Variants in RIN3 observed in about 807,000 individuals in gnomAD.
RIN3 encodes Ras and Rab interactor 3.
In RIN3, 54 loss-of-function variants were observed where a neutral mutation model predicts 76.3. The observed-to-expected ratio is 0.71, with a 90% CI of 0.57 to 0.89. The LOEUF is 0.89. RIN3 is among the 40% of genes least tolerant of loss of function. The pLI, the probability that RIN3 is intolerant of heterozygous loss-of-function variation, is 0.00. For missense variants in RIN3, 1,256 were observed against 1,322.1 expected (o/e 0.95, Z 0.78); for synonymous variants, 576 against 564.0 (o/e 1.02, Z -0.30).
chr14:92,680,182 C>T (rs58928172), intron 8 of RIN3, among the ~76,000 whole-genome samples: 1 of 149,864 alleles, frequency 6.7e-6, no homozygotes. Flanking sequence ...GCAGAAGGGA[C>T]AGGACAGCTC....
rs369106357 is a variant in RIN3 at position 92,652,598 on chromosome 14, G to A, written c.1549G>A (p.Ala517Thr). ...QAGTQHPPAQ[A>T]TAHSQSSPEF... ...TGGGACTCAGCACCCTCCTGCCCAG[G>A]CCACTGCCCATTCCCAGAGCTCTCC... Residue 517 changes from alanine (A) to threonine (T), a missense_variant, in exon 6 of 10, where the codon GCC (alanine) becomes ACC (threonine). Ala to Thr is a moderately conservative substitution (Grantham distance 58). This residue lies in a region of RIN3 where 428 missense variants were observed against 521.2 expected (regional missense o/e 0.82). Coordinates refer to ENST00000216487, the MANE Select transcript of RIN3 (RefSeq NM_024832.5). The surrounding 1 kb of genome is among the most constrained non-coding windows in gnomAD (Gnocchi z 6.4). 1.2e-6 allele frequency: 2 copies of A among 1,611,278 alleles called. No individual in the cohort carries two copies. The highest frequency in any genetic ancestry group is 1.7e-6 in the Non-Finnish European group (2 of 1,179,848).
intron 8 of RIN3, among the ~76,000 whole-genome samples, chr14:92,680,477 G>A (rs1386554693): frequency 1.3e-5 from 2 of 152,278 alleles, no homozygotes; most frequent in East Asian, 3.9e-4. Flanking sequence ...TAGGATTACA[G>A]GTGTGAGCCA....
At chr14:92,575,815 C>G (rs913597741) in intron 2 of RIN3, among the ~76,000 whole-genome samples, 2 of 152,118 alleles carry the variant, frequency 1.3e-5, no homozygotes, top group African/African-American at 2.4e-5. Context: ...ATCTTGTGCC[C>G]ACCTCCTATC....
chr14:92,558,784 A>G (rs539309535), intron 2 of RIN3, among the ~76,000 whole-genome samples: 27 of 152,280 alleles, frequency 1.8e-4, no homozygotes, highest in African/African-American at 6.3e-4. Flanking sequence ...GGAGCTGTGT[A>G]TTATTCACCA....
chr14:92,649,596 G>A (rs1249004303), intron 5 of RIN3, among the ~76,000 whole-genome samples: 1 of 152,192 alleles, frequency 6.6e-6, no homozygotes, highest in Non-Finnish European at 1.5e-5. Flanking sequence ...GTATGTACTC[G>A]AGGCAAGGTG....
At chr14:92,550,565 G>A (rs1445115200) in intron 1 of RIN3, among the ~76,000 whole-genome samples, 1 of 152,016 alleles carries the variant, frequency 6.6e-6, no homozygotes, top group Admixed American at 6.6e-5. Context: ...TGGGGCACAC[G>A]CCATCATGCC....
At chr14:92,587,198 CTG>C (rs775446441) in intron 3 of RIN3, among the ~76,000 whole-genome samples, 1 of 152,192 alleles carries the variant, frequency 6.6e-6, no homozygotes, top group Non-Finnish European at 1.5e-5. Flanking sequence ...TAGAGCTTGA[CTG>C]TGTGGGAGCT....
chr14:92,553,764 C>T (rs1425121058), intron 1 of RIN3, among the ~76,000 whole-genome samples: 1 of 152,086 alleles, frequency 6.6e-6, no homozygotes, highest in Non-Finnish European at 1.5e-5. Context: ...CCTTGACACA[C>T]CCCTCCTCAT....
At chr14:92,675,297 C>A (rs4904972) in intron 7 of RIN3, among the ~76,000 whole-genome samples, 46,197 of 151,964 alleles carry the variant, frequency 0.3, 7,772 homozygotes, top group East Asian at 0.56. Context: ...TGATGGTTTT[C>A]AAATTTTTAT....
At chr14:92,572,669 G>T (rs370819230) in intron 2 of RIN3, among the ~76,000 whole-genome samples, 1 of 152,086 alleles carries the variant, frequency 6.6e-6, no homozygotes, top group African/African-American at 2.4e-5. Context: ...TCAGTCTTTC[G>T]TAACTGCTTC....
At chr14:92,617,850 A>C (rs1221234468) in intron 4 of RIN3, among the ~76,000 whole-genome samples, 1 of 152,254 alleles carries the variant, frequency 6.6e-6, no homozygotes, top group Non-Finnish European at 1.5e-5. Flanking sequence ...AAGAAAATTT[A>C]AAGTCTGTTG....
intron 4 of RIN3, among the ~76,000 whole-genome samples, chr14:92,633,790 G>C (rs765626885): frequency 3.4e-4 from 52 of 152,194 alleles, no homozygotes; most frequent in Non-Finnish European, 6.3e-4. Context: ...AAGTAAACTG[G>C]ACTAGAAACT....
At position 92,677,830 on chromosome 14, in the gene RIN3, A is replaced by G. The variant is rs115126112; in HGVS notation, c.2467+1224A>G. On this transcript the variant is annotated intron_variant, in intron 8 of 9. Coordinates refer to ENST00000216487, the MANE Select transcript of RIN3 (RefSeq NM_024832.5). ...CATCCATGCATCCACTCATCCACCT[A>G]CCCACCCATCTACCCATCCACCCAC... is the stretch of plus-strand genomic sequence containing the variant. Among the ~76,000 whole-genome samples the G allele has an allele frequency of 9.9e-3, 1,484 of 150,526 alleles. 27 individuals carry two copies. Among genetic ancestry groups the G allele is most frequent in the African/African-American group, 0.035 (1,426 of 40,832 alleles).
intron 8 of RIN3, among the ~76,000 whole-genome samples, chr14:92,684,538 C>T (rs1447354908): frequency 6.6e-6 from 1 of 152,080 alleles, no homozygotes; most frequent in Non-Finnish European, 1.5e-5. Context: ...ATCACTTTCA[C>T]ACCATCATGA....
At chr14:92,619,802 A>G (rs1317033940) in intron 4 of RIN3, among the ~76,000 whole-genome samples, 3 of 152,124 alleles carry the variant, frequency 2.0e-5, no homozygotes, top group Non-Finnish European at 4.4e-5. Context: ...ATAAAGTTTG[A>G]CTGTTTCCAG....
chr14:92,571,538 T>TCA (rs146109275), intron 2 of RIN3, among the ~76,000 whole-genome samples: 2 of 151,754 alleles, frequency 1.3e-5, no homozygotes, highest in African/African-American at 2.4e-5. Context: ...TCACCCATAC[T>TCA]CACACACACA....
At chr14:92,676,270 T>C (rs565292619) in intron 7 of RIN3, among the ~76,000 whole-genome samples, 22 of 152,130 alleles carry the variant, frequency 1.4e-4, no homozygotes, top group African/African-American at 5.1e-4. Context: ...AGTTCCTTCT[T>C]CCTAAACTTG....
At chr14:92,640,090 CTG>C (rs1886947366) in intron 4 of RIN3, among the ~76,000 whole-genome samples, 1 of 127,994 alleles carries the variant, frequency 7.8e-6, no homozygotes, top group Non-Finnish European at 1.6e-5. Flanking sequence ...AGATGCCTGA[CTG>C]TGTGTTCGTC....
At chr14:92,575,298 G>A (rs147602597) in intron 2 of RIN3, among the ~76,000 whole-genome samples, 89 of 152,188 alleles carry the variant, frequency 5.8e-4, no homozygotes, top group Non-Finnish European at 1.1e-3. Context: ...GCTTGGGGCC[G>A]TATCCTCACG....
Sources: allele counts gnomAD v4.1 joint callset (sites outside exome capture counted in the v4.1 genomes callset), GRCh38; gene constraint gnomAD v4.1.1; regional missense constraint gnomAD v4.1.1; non-coding constraint Gnocchi (gnomAD v3.1); transcripts MANE v1.5; gene names NCBI Gene and HGNC (gene_info 2026-07-23, HGNC 2026-07-21).